The following MYO10 variants were observed in gnomAD, a reference collection of about 807,000 sequenced individuals.
MYO10 encodes unconventional myosin-X.
MYO10 carries 133 observed loss-of-function variants against 257.3 expected under a neutral mutation model. The ratio of observed to expected loss-of-function variants is 0.52; its 90% CI spans 0.45 to 0.60. MYO10 has a LOEUF of 0.60. Among genes scored for constraint, MYO10 ranks in the 20% least tolerant of loss-of-function variants. The pLI is 0.00. For synonymous variants in MYO10, 1,104 were observed against 1,028.6 expected, an observed-to-expected ratio of 1.07 and a Z score of -1.40; for missense variants, 2,399 against 2,635.7, an observed-to-expected ratio of 0.91 and a Z score of 1.97.
In MYO10 at chr5:16,796,474, AAAAGAAAAG is replaced by A. The variant is rs1373873017; in HGVS notation, c.280-1650_280-1642del. On this transcript the variant is annotated intron_variant, in intron 3 of 40. Transcript: ENST00000513610. Reference sequence around the variant, plus strand: ...AAAGAAAGAAAGAAAGAAAGAAAAGAAAAGAAAAGAAAGAAAGAAAGAAGGAAAATAAAT... The same window carrying A: ...AAAGAAAGAAAGAAAGAAAGAAAAGAAAAGAAAGAAAGAAGGAAAATAAAT... Among the ~76,000 whole-genome samples, 124 of 130,100 alleles carry A rather than the reference AAAAGAAAAG, an allele frequency of 9.5e-4. 6 individuals carry two copies. Among genetic ancestry groups the A allele is most frequent in the Admixed American group, 3.2e-3 (41 of 12,974 alleles). The allele number at this position is 130,100 out of a possible 152,430, so 85.4% of individuals were successfully genotyped here.
chr5:16,747,565 A>G (rs749076109), intron 19 of MYO10, among the ~76,000 whole-genome samples: 1 of 152,210 alleles, frequency 6.6e-6, no homozygotes, highest in Non-Finnish European at 1.5e-5. Context: ...ACAAACTAGC[A>G]TTAGGGCAAA....
intron 4 of MYO10, among the ~76,000 whole-genome samples, chr5:16,791,984 C>T (rs886841737): frequency 2.0e-5 from 3 of 152,088 alleles, no homozygotes; most frequent in Non-Finnish European, 4.4e-5. Flanking sequence ...TAACTGAATA[C>T]ACTGACAGTC....
rs79298987 is a variant in MYO10 at position 16,740,711 on chromosome 5, G to A, written c.1929+14117C>T. On this transcript the variant is annotated intron_variant, in intron 19 of 40. Coordinates refer to ENST00000513610, the MANE Select transcript of MYO10 (RefSeq NM_012334.3). ...CTCTCGCAAGCAGCAATGCGGTTCCGGACCTGAGGACCCACATTTGTAAAC... is the reference window on the plus strand; with the variant it reads ...CTCTCGCAAGCAGCAATGCGGTTCCAGACCTGAGGACCCACATTTGTAAAC... 5.5e-3 allele frequency among the ~76,000 whole-genome samples: 834 copies of A among 152,120 alleles called. 3 individuals carry two copies. Among genetic ancestry groups the A allele is most frequent in the African/African-American group, 0.019 (804 of 41,502 alleles).
At chr5:16,741,948 C>T in intron 19 of MYO10, 2 of 985,378 alleles carry the variant, frequency 2.0e-6, no homozygotes, top group Non-Finnish European at 2.4e-6. Flanking sequence ...TGTGGTGCGT[C>T]TCGGGCTGTG....
intron 2 of MYO10, among the ~76,000 whole-genome samples, chr5:16,834,108 T>A (rs915793787): frequency 4.6e-5 from 7 of 152,004 alleles, no homozygotes; most frequent in African/African-American, 1.7e-4. Context: ...TCTCCTGGGG[T>A]CTGTCTGTCT....
At chr5:16,685,898 A>G in intron 28 of MYO10, 67 bp from the exon 29 acceptor site, 1 of 1,201,718 alleles carries the variant, frequency 8.3e-7, no homozygotes, top group South Asian at 1.3e-5. Flanking sequence ...ATAGTGCCCT[A>G]CTGCACGTGC....
chr5:16,866,547 G>T (rs1744257000), intron 2 of MYO10, among the ~76,000 whole-genome samples: 1 of 152,138 alleles, frequency 6.6e-6, no homozygotes, highest in African/African-American at 2.4e-5. Flanking sequence ...AGGTTAATTG[G>T]GTTGGAGGCA....
At chr5:16,911,888 A>C (rs140204469) in intron 1 of MYO10, among the ~76,000 whole-genome samples, 5,941 of 152,056 alleles carry the variant, frequency 0.039, 184 homozygotes, top group Non-Finnish European at 0.057. Context: ...AAATACAAAA[A>C]TTAGCCGGGT....
At position 16,781,727 on chromosome 5, in the gene MYO10, A is replaced by C. The variant is rs775462469; in HGVS notation, c.705T>G (p.Ile235Met). The C allele has an allele frequency of 2.5e-6, 4 of 1,613,940 alleles. No homozygotes were observed. The highest frequency in any genetic ancestry group is 3.4e-6 in the Non-Finnish European group (4 of 1,179,826). Reference sequence around the variant, plus strand: ...TACAATCTACAATTCTCCCGCCCTGAATATTTCCTTTCTGACAGATGTTCA... The same window carrying C: ...TACAATCTACAATTCTCCCGCCCTGCATATTTCCTTTCTGACAGATGTTCA... ...VQLNICQKGN[I>M]QGGRIVDYLL... The change falls in exon 6 of 41, where the codon ATT (isoleucine) becomes ATG (methionine). Residue 235 changes from isoleucine (I) to methionine (M), a missense_variant. This residue lies in a region of MYO10 where 337 missense variants were observed against 446.8 expected (regional missense o/e 0.75). Transcript: ENST00000513610.
chr5:16,818,382 G>A (rs557448110), intron 2 of MYO10, among the ~76,000 whole-genome samples: 6 of 40,402 alleles, frequency 1.5e-4, no homozygotes, highest in Admixed American at 5.4e-4. Flanking sequence ...GTGTGTGTGC[G>A]TGTGTGTGTG....
In MYO10 at chr5:16,675,214, C is replaced by T. The variant is rs577896814; in HGVS notation, c.4667-64G>A. On this transcript the variant is annotated intron_variant, in intron 34 of 40. Transcript: ENST00000513610. ...GTTCAGAATAGGGCATGAGCATAAT[C>T]GGAGCAGTAGTCAAGACAAAGGAAT... The T allele has an allele frequency of 1.2e-4, 187 of 1,543,970 alleles. No individual in the cohort carries two copies. The African/African-American group carries it at 2.0e-3, about 17-fold the overall frequency.
chr5:16,816,421 C>A (rs143280819), intron 3 of MYO10, among the ~76,000 whole-genome samples: 111 of 148,190 alleles, frequency 7.5e-4, no homozygotes, highest in African/African-American at 2.7e-3. Context: ...ATATATAATT[C>A]TTTCTCTTTC....
At chr5:16,866,578 A>G (rs1331739092) in intron 2 of MYO10, among the ~76,000 whole-genome samples, 5 of 152,136 alleles carry the variant, frequency 3.3e-5, no homozygotes, top group South Asian at 2.1e-4. Context: ...TACAAGAGAC[A>G]TGTAAGACTC....
chr5:16,751,666 T>C (rs13169120), intron 19 of MYO10, among the ~76,000 whole-genome samples: 2 of 150,238 alleles, frequency 1.3e-5, no homozygotes, highest in African/African-American at 4.9e-5. Context: ...TTTTTTTTTT[T>C]AGTAGAGACG....
rs533508091 is a variant in MYO10 at position 16,811,064 on chromosome 5, G to A, written c.279+6945C>T. Among the ~76,000 whole-genome samples, 215 of 107,760 alleles carry A rather than the reference G, an allele frequency of 2.0e-3. 1 individual carries two copies. Among genetic ancestry groups the A allele is most frequent in the African/African-American group, 9.2e-3 (211 of 22,858 alleles). The allele number at this position is 107,760 out of a possible 152,430, so 70.7% of individuals were successfully genotyped here. ...AGCCTGGGCGAAAGAGCAAGACTCT[G>A]TCTCAAAAAAAAAAAAAAAAACAAA... On this transcript the variant is annotated intron_variant, in intron 3 of 40. Transcript: ENST00000513610.
chr5:16,664,397 TTCTG>T lies in MYO10; in HGVS notation c.*2291_*2294del, dbSNP rs1438244034. The T allele has an allele frequency of 1.3e-5, 2 of 152,144 alleles. No homozygotes were observed. The highest frequency in any genetic ancestry group is 4.8e-5 in the African/African-American group (2 of 41,430). 9.4% of individuals were successfully genotyped at this position (152,144 alleles called of 1,614,324 possible). A position where few individuals can be genotyped will look rare whatever the true frequency, so the allele number is the denominator to read the frequency against. ...AGAAAGAAGACTTCTGTCAAATTCTTTCTGAGCCTAAAATAAAAACAAAGACAAC... is the reference window on the plus strand; with the variant it reads ...AGAAAGAAGACTTCTGTCAAATTCTTAGCCTAAAATAAAAACAAAGACAAC... On this transcript the variant is annotated 3_prime_UTR_variant, in exon 41 of 41. Coordinates refer to ENST00000513610, the MANE Select transcript of MYO10 (RefSeq NM_012334.3).
At chr5:16,901,404 A>C (rs894484967) in intron 1 of MYO10, among the ~76,000 whole-genome samples, 1 of 152,116 alleles carries the variant, frequency 6.6e-6, no homozygotes, top group East Asian at 1.9e-4. Flanking sequence ...CCAGCAAAGA[A>C]GGCAGGAAGG....
intron 21 of MYO10, among the ~76,000 whole-genome samples, chr5:16,706,097 C>T (rs1164658548): frequency 6.6e-5 from 10 of 152,012 alleles, no homozygotes; most frequent in Non-Finnish European, 8.8e-5. Flanking sequence ...GCAGAAGAAT[C>T]GCTTGAACCT....
At chr5:16,698,692 C>T (rs951176558) in intron 26 of MYO10, among the ~76,000 whole-genome samples, 1 of 137,212 alleles carries the variant, frequency 7.3e-6, no homozygotes, top group African/African-American at 3.2e-5. Context: ...GGCGCGATCT[C>T]GGCTCACTGC....
Sources: gnomAD v4.1 joint callset for allele counts (sites outside exome capture counted in the v4.1 genomes callset) on GRCh38, gnomAD v4.1.1 for gene constraint, gnomAD v4.1.1 regional missense constraint, MANE v1.5 for transcripts, NCBI Gene and HGNC (gene_info 2026-07-23, HGNC 2026-07-21) for gene names.